Variants in SYN2 observed in about 807,000 individuals in gnomAD.
SYN2 encodes the protein synapsin II.
Under a neutral mutation model 50.9 loss-of-function variants are expected in SYN2, and 19 were observed. The ratio of observed to expected loss-of-function variants is 0.37; its 90% CI spans 0.26 to 0.55. The LOEUF (loss-of-function observed/expected upper bound fraction) is 0.55, where lower values mean the gene tolerates loss of function less well. Ranked by LOEUF, SYN2 falls within the 20% of genes least tolerant of loss-of-function variation. The pLI is 0.81. For missense variants in SYN2, 587 were observed against 576.4 expected, an observed-to-expected ratio of 1.02 and a Z score of -0.19; for synonymous variants, 255 against 224.9, an observed-to-expected ratio of 1.13 and a Z score of -1.20.
At chr3:12,154,215 C>A in intron 5 of SYN2, 2 of 1,476,890 alleles carry the variant, frequency 1.4e-6, no homozygotes. Flanking sequence ...TCCCCAACTT[C>A]ATACAGTGCA....
chr3:12,149,079 C>G (rs2125223031), intron 4 of SYN2, among the ~76,000 whole-genome samples: 1 of 152,278 alleles, frequency 6.6e-6, no homozygotes, highest in African/African-American at 2.4e-5. Flanking sequence ...CCCTGAGACC[C>G]AACGAGAGCC....
At chr3:12,113,126 T>C (rs1412287294) in intron 1 of SYN2, among the ~76,000 whole-genome samples, 2 of 152,190 alleles carry the variant, frequency 1.3e-5, no homozygotes, top group East Asian at 3.9e-4. Context: ...CATTTCATTC[T>C]CTTCTCTGTT....
chr3:12,185,770 G>C lies in SYN2; in HGVS notation c.1370-1599G>C, dbSNP rs1033191227. On this transcript the variant is annotated intron_variant, in intron 11 of 12. Transcript: ENST00000621198. The stretch of plus-strand genomic sequence containing the variant: ...AACGTTTCTGGCTATCCAAGTATCT[G>C]CACAAATGGGAAAGCACTCAGGTTT... 7 of 985,732 alleles carry C rather than the reference G, an allele frequency of 7.1e-6. No individual in the cohort carries two copies. The African/African-American group carries it at 1.0e-4, about 15-fold the overall frequency. The allele number at this position is 985,732 out of a possible 1,614,324, so 61.1% of individuals were successfully genotyped here. A position where few individuals can be genotyped will look rare whatever the true frequency, so the allele number is the denominator to read the frequency against.
At chr3:12,087,963 G>T (rs1695745255) in intron 1 of SYN2, among the ~76,000 whole-genome samples, 1 of 151,572 alleles carries the variant, frequency 6.6e-6, no homozygotes, top group South Asian at 2.1e-4. Context: ...GACCTGAAAT[G>T]GTAAAACTCC....
At chr3:12,161,916 A>C (rs1297159782) in intron 6 of SYN2, 96 bp from the exon 7 acceptor site, 1 of 1,523,524 alleles carries the variant, frequency 6.6e-7, no homozygotes, top group Admixed American at 1.9e-5. Flanking sequence ...GATCGGATAC[A>C]TATTGGTGGG....
At chr3:12,109,008 C>A (rs1696260827) in intron 1 of SYN2, among the ~76,000 whole-genome samples, 1 of 152,142 alleles carries the variant, frequency 6.6e-6, no homozygotes, top group Non-Finnish European at 1.5e-5. Flanking sequence ...TAATTTCATT[C>A]CTAAATAACT....
chr3:12,004,879 G>T lies in SYN2; in HGVS notation c.328G>T (p.Ala110Ser). 1.7e-6 allele frequency: 1 copy of T among 577,178 alleles called. No homozygotes were observed. The highest frequency in any genetic ancestry group is 3.1e-6 in the Non-Finnish European group (1 of 322,596). 35.8% of individuals were successfully genotyped at this position (577,178 alleles called of 1,614,324 possible). A position where few individuals can be genotyped will look rare whatever the true frequency, so the allele number is the denominator to read the frequency against. The change falls in exon 1 of 13, where the codon GCC becomes TCC. Residue 110 changes from alanine (A) to serine (S), a missense_variant. Coordinates refer to ENST00000621198, the MANE Select transcript of SYN2 (RefSeq NM_133625.6). ...VDAPAPAPAA[A>S]RKAKVLLVVD... ...CGCGCCCGCTCCCGCGCCCGCAGCC[G>T]CCAGGAAGGCCAAGGTGCTGCTGGT...
intron 5 of SYN2, among the ~76,000 whole-genome samples, chr3:12,152,805 T>A (rs1424719826): frequency 1.3e-5 from 2 of 152,172 alleles, no homozygotes; most frequent in East Asian, 3.8e-4. Flanking sequence ...TTGAGGGCAT[T>A]AAGGATAGTT....
Position 12,060,716 on chromosome 3 carries a change from T to G in SYN2, c.377+55788T>G, listed in dbSNP as rs558864892. Among the ~76,000 whole-genome samples the G allele has an allele frequency of 3.2e-4, 48 of 152,262 alleles. No individual in the cohort carries two copies. The South Asian group carries it at 9.7e-3, about 31-fold the overall frequency. On this transcript the variant is annotated intron_variant, in intron 1 of 12. Coordinates refer to ENST00000621198, the MANE Select transcript of SYN2 (RefSeq NM_133625.6). ...TGGAGGAATTTGAAGCCTCTGGCACTTACCACTGCAGCATGTATTAAACAC... is the reference window on the plus strand; with the variant it reads ...TGGAGGAATTTGAAGCCTCTGGCACGTACCACTGCAGCATGTATTAAACAC...
chr3:12,100,277 G>A (rs1696043364), intron 1 of SYN2, among the ~76,000 whole-genome samples: 1 of 152,054 alleles, frequency 6.6e-6, no homozygotes, highest in African/African-American at 2.4e-5. Flanking sequence ...TATAGTACTG[G>A]CATAAGGATA....
chr3:12,049,681 A>G (rs570133499), intron 1 of SYN2, among the ~76,000 whole-genome samples: 76 of 151,864 alleles, frequency 5.0e-4, no homozygotes, highest in African/African-American at 1.8e-3. Context: ...AGGGTTTGGA[A>G]CTCATTTTGT....
intron 10 of SYN2, among the ~76,000 whole-genome samples, chr3:12,182,733 TA>T (rs1315495710): frequency 6.6e-6 from 1 of 152,256 alleles, no homozygotes; most frequent in African/African-American, 2.4e-5. Flanking sequence ...GAGTCAGGCC[TA>T]GAACTGATCC....
At chr3:12,130,151 CATATAT>C (rs770384744) in intron 1 of SYN2, among the ~76,000 whole-genome samples, 15 of 150,752 alleles carry the variant, frequency 1.0e-4, no homozygotes, top group East Asian at 9.7e-4. Flanking sequence ...TGTGTGTGTA[CATATAT>C]ATATGTGTGT....
chr3:12,138,082 A>G (rs1696939405), intron 1 of SYN2, among the ~76,000 whole-genome samples: 1 of 152,160 alleles, frequency 6.6e-6, no homozygotes, highest in African/African-American at 2.4e-5. Flanking sequence ...ATCAGGAAAG[A>G]CTTCTATCAT....
At chr3:12,013,632 G>A (rs61465409) in intron 1 of SYN2, among the ~76,000 whole-genome samples, 5,111 of 152,154 alleles carry the variant, frequency 0.034, 265 homozygotes, top group African/African-American at 0.11. Flanking sequence ...GACACCGATG[G>A]TCACCTATTT....
intron 4 of SYN2, among the ~76,000 whole-genome samples, chr3:12,150,770 A>G (rs1697266146): frequency 6.6e-6 from 1 of 152,200 alleles, no homozygotes; most frequent in Admixed American, 6.5e-5. Flanking sequence ...TGCTTACTGG[A>G]AAAATCCATC....
At chr3:12,105,986 G>A (rs1431054020) in intron 1 of SYN2, among the ~76,000 whole-genome samples, 6 of 152,060 alleles carry the variant, frequency 3.9e-5, no homozygotes, top group Admixed American at 1.3e-4. Context: ...ATCTACACAG[G>A]GATCTTCTTA....
At chr3:12,079,248 A>AC (rs1232209082) in intron 1 of SYN2, among the ~76,000 whole-genome samples, 1 of 152,180 alleles carries the variant, frequency 6.6e-6, no homozygotes, top group East Asian at 1.9e-4. Context: ...TCATCTGTAA[A>AC]CAAAGACAAT....
rs1486016174 is a variant in SYN2 at position 12,004,594 on chromosome 3, A to G, written c.43A>G (p.Ile15Val). 3 of 665,906 alleles carry G rather than the reference A, an allele frequency of 4.5e-6. No individual in the cohort carries two copies. The highest frequency in any genetic ancestry group is 8.4e-6 in the Non-Finnish European group (3 of 357,860). 41.2% of individuals were successfully genotyped at this position (665,906 alleles called of 1,614,324 possible). Residue 15 changes from isoleucine (I) to valine (V), a missense_variant, in exon 1 of 13, where the codon ATC becomes GTC. By Grantham distance (29) the Ile-to-Val change is conservative (BLOSUM62 3). Transcript: ENST00000621198. The stretch of plus-strand genomic sequence containing the variant: ...GCGCCGGCTGTCGGACAGCAGCTTC[A>G]TCGCCAACCTGCCCAACGGCTACAT... ...LRRRLSDSSF[I>V]ANLPNGYMTD...
Sources: gnomAD v4.1 joint callset for allele counts (sites outside exome capture counted in the v4.1 genomes callset) on GRCh38, gnomAD v4.1.1 for gene constraint, MANE v1.5 for transcripts, NCBI Gene and HGNC (gene_info 2026-07-23, HGNC 2026-07-21) for gene names.